The following TANK variants were observed in gnomAD, a reference collection of about 807,000 sequenced individuals.
The protein encoded by TANK is TRAF family member-associated NF-kappa-B activator.
In TANK, 15 loss-of-function variants were observed where a neutral mutation model predicts 43.6. The ratio of observed to expected loss-of-function variants is 0.34; its 90% CI spans 0.23 to 0.53. The LOEUF (loss-of-function observed/expected upper bound fraction) is 0.53, where lower values mean the gene tolerates loss of function less well. TANK is among the 20% of genes least tolerant of loss of function. The pLI, the probability that TANK is intolerant of heterozygous loss-of-function variation, is 0.94. For synonymous variants in TANK, 162 were observed against 178.2 expected (o/e 0.91, Z 0.73); for missense variants, 417 against 498.6 (o/e 0.84, Z 1.56).
chr2:161,206,438 G>T lies in TANK; in HGVS notation c.327+1645G>T, dbSNP rs543817242. ...AGTAGGAGATTTTCACTTTGTTAGG[G>T]TTATTCAGTTACTGATTGCATAACT... On this transcript the variant is annotated intron_variant, in intron 4 of 7. Transcript: ENST00000392749. 2.0e-5 allele frequency among the ~76,000 whole-genome samples: 3 copies of T among 152,028 alleles called. No individual in the cohort carries two copies. The South Asian group carries it at 6.2e-4, about 32-fold the overall frequency.
At chr2:161,196,387 A>G (rs1292030580) in intron 2 of TANK, among the ~76,000 whole-genome samples, 1 of 152,122 alleles carries the variant, frequency 6.6e-6, no homozygotes, top group African/African-American at 2.4e-5. Context: ...ACTGGCATGG[A>G]TGAGATTACC....
rs903212428 is a variant in TANK at position 161,236,091 on chromosome 2, T to C, written c.*573T>C. The C allele has an allele frequency of 3.3e-5, 5 of 152,236 alleles. No individual in the cohort carries two copies. In the East Asian group the frequency reaches 7.7e-4, roughly 23 times the overall value. The allele number at this position is 152,236 out of a possible 1,614,324, so 9.4% of individuals were successfully genotyped here. On this transcript the variant is annotated 3_prime_UTR_variant, in exon 8 of 8. Transcript: ENST00000392749. ...AACTGGTAGAATTATTTAAACACTT[T>C]AGATTTTTAAATAATATACATGGCT...
chr2:161,150,542 G>A (rs1473699655), intron 1 of TANK, among the ~76,000 whole-genome samples: 2 of 143,184 alleles, frequency 1.4e-5, no homozygotes, highest in Non-Finnish European at 3.0e-5. Context: ...TCCTTTTCCA[G>A]TTCCTTGAGG....
At chr2:161,184,434 A>G (rs1213929585) in intron 2 of TANK, among the ~76,000 whole-genome samples, 3 of 152,226 alleles carry the variant, frequency 2.0e-5, no homozygotes, top group Non-Finnish European at 4.4e-5. Context: ...ATGTATTGAT[A>G]TAAAATTATG....
At chr2:161,138,643 G>T (rs1298397413) in intron 1 of TANK, among the ~76,000 whole-genome samples, 4 of 152,202 alleles carry the variant, frequency 2.6e-5, no homozygotes, top group African/African-American at 7.2e-5. Context: ...ATGTGGGGTT[G>T]TATACCCAGT....
intron 1 of TANK, among the ~76,000 whole-genome samples, chr2:161,138,454 T>C (rs1216405933): frequency 6.6e-6 from 1 of 152,164 alleles, no homozygotes; most frequent in Non-Finnish European, 1.5e-5. Flanking sequence ...ATTCTTATGA[T>C]AGAAAAAGGA....
chr2:161,141,004 A>G (rs1683731513), intron 1 of TANK, among the ~76,000 whole-genome samples: 1 of 152,176 alleles, frequency 6.6e-6, no homozygotes. Flanking sequence ...GTACATTATT[A>G]TTAACTCAAG....
At chr2:161,148,232 A>C (rs1055512968) in intron 1 of TANK, among the ~76,000 whole-genome samples, 1 of 152,212 alleles carries the variant, frequency 6.6e-6, no homozygotes, top group Non-Finnish European at 1.5e-5. Context: ...AGTGAATGTG[A>C]AGTGGTAATT....
intron 4 of TANK, among the ~76,000 whole-genome samples, chr2:161,218,443 A>C (rs1436890024): frequency 2.0e-5 from 3 of 152,214 alleles, no homozygotes; most frequent in Non-Finnish European, 2.9e-5. Context: ...CTTGTGTTCC[A>C]ATCACAGCTA....
At chr2:161,151,279 C>T (rs1349206025) in intron 1 of TANK, among the ~76,000 whole-genome samples, 2 of 152,124 alleles carry the variant, frequency 1.3e-5, no homozygotes, top group Non-Finnish European at 2.9e-5. Context: ...TACATGTCTG[C>T]TAGGTCTAGT....
intron 4 of TANK, among the ~76,000 whole-genome samples, chr2:161,219,164 A>C (rs1344904385): frequency 6.6e-6 from 1 of 152,208 alleles, no homozygotes; most frequent in Non-Finnish European, 1.5e-5. Context: ...CTACAAATTA[A>C]CTTTGATAGA....
intron 4 of TANK, among the ~76,000 whole-genome samples, chr2:161,213,381 T>C (rs1477188665): frequency 6.6e-6 from 1 of 152,072 alleles, no homozygotes; most frequent in East Asian, 1.9e-4. Flanking sequence ...GGTGGGTGGA[T>C]CACTTGAGGT....
At chr2:161,154,657 A>C (rs1246402077) in intron 1 of TANK, among the ~76,000 whole-genome samples, 1 of 152,196 alleles carries the variant, frequency 6.6e-6, no homozygotes, top group African/African-American at 2.4e-5. Flanking sequence ...TGACTGATTG[A>C]ATGTTGGGAA....
chr2:161,184,095 A>G (rs535215902), intron 2 of TANK, among the ~76,000 whole-genome samples: 17 of 152,248 alleles, frequency 1.1e-4, no homozygotes, highest in Admixed American at 1.0e-3. Context: ...CAGAAGTGAG[A>G]GAGTATATGA....
chr2:161,185,619 A>T (rs1416086497), intron 2 of TANK, among the ~76,000 whole-genome samples: 1 of 150,424 alleles, frequency 6.6e-6, no homozygotes, highest in Non-Finnish European at 1.5e-5. Context: ...AGAACAAAAA[A>T]CCAAACACCG....
intron 1 of TANK, among the ~76,000 whole-genome samples, chr2:161,145,088 A>G (rs1683867024): frequency 7.6e-6 from 1 of 131,096 alleles, no homozygotes; most frequent in African/African-American, 2.9e-5. Context: ...TGTTGGTTTA[A>G]TGTCTGTTTT....
rs769265462 is a variant in TANK, at chr2:161,203,477, A to G, written c.100-10A>G. 2.6e-5 allele frequency: 42 copies of G among 1,594,378 alleles called. No individual in the cohort carries two copies. Among genetic ancestry groups the G allele is most frequent in the Non-Finnish European group, 3.6e-5 (42 of 1,168,584 alleles). On this transcript the variant is annotated splice_polypyrimidine_tract_variant and intron_variant, in intron 2 of 7. Coordinates refer to ENST00000392749, the MANE Select transcript of TANK (RefSeq NM_001199135.3). ...GTGAATATCAGGCTAACTGGTTTTTATGTCAGCAGACTGAGAACTATGAGC... is the reference window on the plus strand; with the variant it reads ...GTGAATATCAGGCTAACTGGTTTTTGTGTCAGCAGACTGAGAACTATGAGC...
Position 161,160,483 on chromosome 2 carries a change from C to G in TANK, c.-53C>G, listed in dbSNP as rs1315182291. 3.2e-6 allele frequency: 4 copies of G among 1,244,652 alleles called. No individual in the cohort carries two copies. Among genetic ancestry groups the G allele is most frequent in the Admixed American group, 4.0e-5 (1 of 24,808 alleles). 77.1% of individuals were successfully genotyped at this position (1,244,652 alleles called of 1,614,324 possible). A position where few individuals can be genotyped will look rare whatever the true frequency, so the allele number is the denominator to read the frequency against. On this transcript the variant is annotated 5_prime_UTR_variant, in exon 1 of 8. Coordinates refer to ENST00000392749, the MANE Select transcript of TANK (RefSeq NM_001199135.3). Reference sequence around the variant, plus strand: ...GAGGGAACGCAGCTGAAAGCGTGAACTGTGTGAGTAAGAAACTTTGTGAAT... The same window carrying G: ...GAGGGAACGCAGCTGAAAGCGTGAAGTGTGTGAGTAAGAAACTTTGTGAAT...
intron 1 of TANK, among the ~76,000 whole-genome samples, chr2:161,137,449 A>G (rs948442513): frequency 6.6e-6 from 1 of 152,170 alleles, no homozygotes; most frequent in African/African-American, 2.4e-5. Flanking sequence ...AACTTTTAAG[A>G]TAGAATTTAT....
Sources: allele counts gnomAD v4.1 joint callset (sites outside exome capture counted in the v4.1 genomes callset), GRCh38; gene constraint gnomAD v4.1.1; transcripts MANE v1.5; gene names NCBI Gene and HGNC (gene_info 2026-07-23, HGNC 2026-07-21).